The following RPH3A variants were observed in gnomAD, a reference collection of about 807,000 sequenced individuals.
RPH3A encodes the protein rabphilin 3A.
Under a neutral mutation model 102.2 loss-of-function variants are expected in RPH3A, and 48 were observed. That is an observed-to-expected ratio of 0.47 (90% CI 0.37 to 0.60). The LOEUF (loss-of-function observed/expected upper bound fraction) is 0.60, where lower values mean the gene tolerates loss of function less well. Ranked by LOEUF, RPH3A falls within the 20% of genes least tolerant of loss-of-function variation. The probability of loss-of-function intolerance (pLI) is 0.00; values close to 1 mark genes in which losing one functional copy is unlikely to be tolerated. For missense variants in RPH3A, 781 were observed against 910.1 expected, an observed-to-expected ratio of 0.86 and a Z score of 1.83; for synonymous variants, 310 against 324.3, an observed-to-expected ratio of 0.96 and a Z score of 0.47.
intron 1 of RPH3A, among the ~76,000 whole-genome samples, chr12:112,698,951 G>T (rs1211251117): frequency 7.1e-6 from 1 of 140,514 alleles, no homozygotes; most frequent in East Asian, 2.2e-4. Context: ...CTTCTTCCAG[G>T]GTCTTGCTCT....
At chr12:112,677,423 TTCCTTCC>T (rs1566254468) in intron 1 of RPH3A, among the ~76,000 whole-genome samples, 1 of 31,948 alleles carries the variant, frequency 3.1e-5, no homozygotes, top group Admixed American at 2.8e-4. Context: ...CCCTCCTTCC[TTCCTTCC>T]TTCCTTCCTT....
intron 4 of RPH3A, among the ~76,000 whole-genome samples, chr12:112,839,336 A>G (rs2042105919): frequency 6.6e-6 from 1 of 152,042 alleles, no homozygotes; most frequent in South Asian, 2.1e-4. Context: ...CATGGTGAAT[A>G]ATGTATCAAC....
rs148848377 is a variant in RPH3A at position 112,793,855 on chromosome 12, G to A, written c.-19+1592G>A. Among the ~76,000 whole-genome samples, 253 of 152,306 alleles carry A rather than the reference G, an allele frequency of 1.7e-3. 1 individual carries two copies. In the Middle Eastern group the frequency reaches 0.021, roughly 12 times the overall value. ...TTAATCTTTTAATTGCTGGATTATG[G>A]AGAGGTTTGGGGGGATCTTAGGGGG... On this transcript the variant is annotated intron_variant, in intron 2 of 21. Coordinates refer to ENST00000389385, the MANE Select transcript of RPH3A (RefSeq NM_001143854.2).
chr12:112,656,659 G>A (rs1389002963), intron 1 of RPH3A, among the ~76,000 whole-genome samples: 2 of 152,128 alleles, frequency 1.3e-5, no homozygotes, highest in Non-Finnish European at 2.9e-5. Flanking sequence ...ACTTATTGGT[G>A]AGAATATGCG....
intron 5 of RPH3A, among the ~76,000 whole-genome samples, chr12:112,864,205 CA>C (rs1384442782): frequency 6.6e-6 from 1 of 152,158 alleles, no homozygotes; most frequent in Non-Finnish European, 1.5e-5. Context: ...GTGATCCCAG[CA>C]TTTTGGGAGG....
chr12:112,866,632 G>C (rs1227019912), intron 6 of RPH3A, 125 bp from the exon 7 acceptor site: 3 of 710,704 alleles, frequency 4.2e-6, no homozygotes, highest in Non-Finnish European at 7.1e-6. Context: ...GCTCATAGAA[G>C]GAAGTGGGAG....
chr12:112,672,502 G>A (rs1357642403), intron 1 of RPH3A, among the ~76,000 whole-genome samples: 1 of 152,188 alleles, frequency 6.6e-6, no homozygotes. Context: ...TCATTTCACA[G>A]GGTTATGGTG....
chr12:112,755,298 TACACACACAC>T lies in RPH3A; in HGVS notation c.-139-36813_-139-36804del, dbSNP rs58229294. 9.6e-3 allele frequency among the ~76,000 whole-genome samples: 1,405 copies of T among 145,736 alleles called. 11 individuals carry two copies. The highest frequency in any genetic ancestry group is 0.011 in the African/African-American group (422 of 38,818). On this transcript the variant is annotated intron_variant, in intron 1 of 21. Coordinates refer to the RPH3A transcript ENST00000543106. ...GTAAAATTGAATATATATATGTATA[TACACACACAC>T]ACACACACACACACACACACACACA...
chr12:112,879,173 T>C lies in RPH3A; in HGVS notation c.1226T>C (p.Leu409Pro). The change falls in exon 14 of 22, where the codon CTG becomes CCG. Residue 409 changes from leucine to proline, a missense_variant. Physicochemically the swap from Leu to Pro is moderately conservative, Grantham distance 98. Coordinates refer to ENST00000389385, the MANE Select transcript of RPH3A (RefSeq NM_001143854.2). The stretch of plus-strand genomic sequence containing the variant: ...CTCTACGACCAGGACAACAGCTCCC[T>C]GCAGTGCACCATCATTAAGGCCAAG... ...SLLYDQDNSS[L>P]QCTIIKAKGL... 1 of 1,614,078 alleles carries C rather than the reference T, an allele frequency of 6.2e-7. No individual in the cohort carries two copies. Among genetic ancestry groups the C allele is most frequent in the Non-Finnish European group, 8.5e-7 (1 of 1,179,958 alleles).
chr12:112,786,109 T>C (rs537540695), intron 1 of RPH3A, among the ~76,000 whole-genome samples: 15 of 152,294 alleles, frequency 9.8e-5, no homozygotes, highest in Non-Finnish European at 2.1e-4. Flanking sequence ...AACTGGGAAG[T>C]AGGGAGCTGA....
At chr12:112,650,640 T>C (rs1456765713) in intron 1 of RPH3A, 4 of 152,320 alleles carry the variant, frequency 2.6e-5, no homozygotes, top group East Asian at 1.9e-4. Flanking sequence ...TGACTTTTTT[T>C]CCCCAGTGCT....
chr12:112,668,108 A>G (rs1200386213), intron 1 of RPH3A, among the ~76,000 whole-genome samples: 1 of 152,104 alleles, frequency 6.6e-6, no homozygotes, highest in Admixed American at 6.6e-5. Flanking sequence ...GTAATTATAC[A>G]TTCGTGTGAT....
chr12:112,842,542 T>G (rs1207708196), intron 4 of RPH3A, among the ~76,000 whole-genome samples: 1 of 152,150 alleles, frequency 6.6e-6, no homozygotes, highest in Non-Finnish European at 1.5e-5. Flanking sequence ...TCCCCTCTCT[T>G]AGGTTACTGT....
intron 1 of RPH3A, among the ~76,000 whole-genome samples, chr12:112,665,598 C>G (rs1160967112): frequency 6.6e-6 from 1 of 152,152 alleles, no homozygotes; most frequent in Admixed American, 6.5e-5. Context: ...GTGCCTGGCA[C>G]AAGGTCAGGT....
intron 3 of RPH3A, among the ~76,000 whole-genome samples, chr12:112,832,943 T>TTC (rs2041993559): frequency 6.6e-6 from 1 of 151,470 alleles, no homozygotes; most frequent in Non-Finnish European, 1.5e-5. Context: ...CACTCTTTTT[T>TTC]TTTTTTTTTT....
At chr12:112,770,572 G>C (rs186792210) in intron 1 of RPH3A, among the ~76,000 whole-genome samples, 1 of 152,046 alleles carries the variant, frequency 6.6e-6, no homozygotes, top group Admixed American at 6.5e-5. Context: ...TCGAACTCCC[G>C]AGCTCATGTG....
At chr12:112,689,801 G>A (rs1482887315) in intron 1 of RPH3A, among the ~76,000 whole-genome samples, 2 of 152,112 alleles carry the variant, frequency 1.3e-5, no homozygotes, top group Non-Finnish European at 2.9e-5. Context: ...TGGAGAGAAT[G>A]GATCACTTGC....
intron 1 of RPH3A, among the ~76,000 whole-genome samples, chr12:112,775,968 T>A (rs1006603556): frequency 1.6e-4 from 24 of 151,672 alleles, no homozygotes; most frequent in African/African-American, 5.3e-4. Context: ...ATTGACTGAG[T>A]AGAAGTCAGG....
chr12:112,787,965 A>G (rs534474521), upstream of RPH3A, among the ~76,000 whole-genome samples: 221 of 152,340 alleles, frequency 1.5e-3, 4 homozygotes, highest in African/African-American at 1.0e-3. Context: ...GCAATGTTCT[A>G]TCATTGAATG....
Sources: gnomAD v4.1 joint callset for allele counts (sites outside exome capture counted in the v4.1 genomes callset) on GRCh38, gnomAD v4.1.1 for gene constraint, MANE v1.5 for transcripts, NCBI Gene and HGNC (gene_info 2026-07-23, HGNC 2026-07-21) for gene names.